THSD7A: variants seen among roughly 807,000 people sequenced by gnomAD.
The protein encoded by THSD7A is thrombospondin type-1 domain-containing protein 7A.
A neutral mutation model predicts 231.3 loss-of-function variants in THSD7A; 96 were observed. The observed-to-expected ratio is 0.41, with a 90% confidence interval of 0.35 to 0.49. The LOEUF (loss-of-function observed/expected upper bound fraction) is 0.49. Ranked by LOEUF, THSD7A falls within the 20% of genes least tolerant of loss-of-function variation. THSD7A has a pLI of 0.05. For synonymous variants in THSD7A, 940 were observed against 743.3 expected (o/e 1.26, Z -4.30); for missense variants, 2,290 against 2,070.2 (o/e 1.11, Z -2.06).
At chr7:11,642,008 G>A (rs1414914767) in intron 1 of THSD7A, among the ~76,000 whole-genome samples, 1 of 152,038 alleles carries the variant, frequency 6.6e-6, no homozygotes, top group Non-Finnish European at 1.5e-5. Flanking sequence ...CAATAGAAAA[G>A]GGACCACATC....
At chr7:11,485,752 G>A (rs1786630821) in intron 6 of THSD7A, among the ~76,000 whole-genome samples, 1 of 152,132 alleles carries the variant, frequency 6.6e-6, no homozygotes, top group South Asian at 2.1e-4. Flanking sequence ...CTCCAAAGAA[G>A]TCAAGAAACA....
chr7:11,539,915 A>G (rs183591064), intron 6 of THSD7A, among the ~76,000 whole-genome samples: 8 of 152,328 alleles, frequency 5.3e-5, no homozygotes, highest in Non-Finnish European at 1.2e-4. Context: ...AATTATTTGA[A>G]CTGAGAAAAA....
intron 1 of THSD7A, among the ~76,000 whole-genome samples, chr7:11,702,363 T>G (rs1218338052): frequency 6.6e-6 from 1 of 151,242 alleles, no homozygotes; most frequent in Non-Finnish European, 1.5e-5. Flanking sequence ...TGTTACAGCA[T>G]GACTGTGGTT....
chr7:11,590,733 C>A lies in THSD7A; in HGVS notation c.1272-92G>T. The A allele has an allele frequency of 7.2e-7, 1 of 1,381,800 alleles. No individual in the cohort carries two copies. The highest frequency in any genetic ancestry group is 9.7e-7 in the Non-Finnish European group (1 of 1,032,914). The allele number at this position is 1,381,800 out of a possible 1,614,324, so 85.6% of individuals were successfully genotyped here. A position where few individuals can be genotyped will look rare whatever the true frequency, so the allele number is the denominator to read the frequency against. On this transcript the variant is annotated intron_variant, in intron 3 of 27. Coordinates refer to ENST00000423059, the MANE Select transcript of THSD7A (RefSeq NM_015204.3). This position sits in a 1 kb window ranked among gnomAD's most constrained non-coding sequence, Gnocchi z 4.4. ...ATACTTTGTTTTAACGAAAATTAGT[C>A]TCAAAATCATTTTCCTAGAGAATCC...
chr7:11,685,520 A>T (rs1780015540), intron 1 of THSD7A, among the ~76,000 whole-genome samples: 1 of 151,948 alleles, frequency 6.6e-6, no homozygotes, highest in Non-Finnish European at 1.5e-5. Flanking sequence ...ACTTAAACAA[A>T]TCAAGAGGAA....
chr7:11,541,645 G>A lies in THSD7A; in HGVS notation c.1610-14C>T. ...TCAGTTTGAAGCCTGAATTATGGGGGAAGGAAAAATCTATTGTTACTATCA... is the reference window on the plus strand; with the variant it reads ...TCAGTTTGAAGCCTGAATTATGGGGAAAGGAAAAATCTATTGTTACTATCA... On this transcript the variant is annotated splice_polypyrimidine_tract_variant and intron_variant, in intron 5 of 27. Coordinates refer to ENST00000423059, the MANE Select transcript of THSD7A (RefSeq NM_015204.3). 3 of 1,608,866 alleles carry A rather than the reference G, an allele frequency of 1.9e-6. No individual in the cohort carries two copies. Among genetic ancestry groups the A allele is most frequent in the East Asian group, 2.2e-5 (1 of 44,832 alleles).
intron 1 of THSD7A, among the ~76,000 whole-genome samples, chr7:11,659,260 A>G (rs1238986805): frequency 1.3e-5 from 2 of 151,562 alleles, no homozygotes; most frequent in Non-Finnish European, 3.0e-5. Context: ...CAAATCACCT[A>G]TTCACTTTTG....
intron 6 of THSD7A, among the ~76,000 whole-genome samples, chr7:11,498,678 C>T (rs753909943): frequency 7.9e-5 from 12 of 152,260 alleles, no homozygotes; most frequent in Non-Finnish European, 1.3e-4. Context: ...CCTCACTGGA[C>T]AGGACCTCCC....
intron 6 of THSD7A, among the ~76,000 whole-genome samples, chr7:11,517,778 A>T (rs1583890983): frequency 6.6e-6 from 1 of 152,368 alleles, no homozygotes; most frequent in African/African-American, 2.4e-5. Context: ...ACTGACAGAC[A>T]TATTATCTCT....
intron 1 of THSD7A, among the ~76,000 whole-genome samples, chr7:11,740,274 A>G (rs1302098011): frequency 2.0e-5 from 3 of 151,992 alleles, no homozygotes; most frequent in Admixed American, 6.6e-5. Flanking sequence ...TGAGTGGTCA[A>G]TGATCCCAGA....
chr7:11,622,320 A>G (rs79268579), intron 2 of THSD7A, among the ~76,000 whole-genome samples: 14,767 of 152,016 alleles, frequency 0.097, 906 homozygotes, highest in African/African-American at 0.17. Flanking sequence ...TTTTGTTTTC[A>G]ATTATCTTTA....
intron 4 of THSD7A, among the ~76,000 whole-genome samples, chr7:11,574,658 G>A (rs940819698): frequency 2.7e-5 from 4 of 150,344 alleles, no homozygotes. Context: ...GGATGGTCTC[G>A]ATCTCCTGAC....
chr7:11,585,217 C>A (rs1383972567), intron 4 of THSD7A, among the ~76,000 whole-genome samples: 2 of 152,148 alleles, frequency 1.3e-5, no homozygotes, highest in African/African-American at 4.8e-5. Context: ...TAATTCCCAG[C>A]ATGAGTTTTT....
intron 10 of THSD7A, 136 bp downstream of exon 10, chr7:11,461,875 C>G (rs983055897): frequency 4.5e-6 from 5 of 1,122,536 alleles, no homozygotes; most frequent in Non-Finnish European, 1.3e-6. Context: ...AGAATGGCAG[C>G]TACAGCCATA....
At chr7:11,811,217 A>C (rs1411427182) in intron 1 of THSD7A, among the ~76,000 whole-genome samples, 1 of 152,130 alleles carries the variant, frequency 6.6e-6, no homozygotes, top group Non-Finnish European at 1.5e-5. Flanking sequence ...TAACCGACAG[A>C]ATTATCAAGC....
rs1315636612 is a variant in THSD7A at position 11,372,140 on chromosome 7, G to C, written c.*3654C>G. ...ACAATGACCACTGCCACCTACCTGA[G>C]GGTGGGGCAGGGAAAAATCAAACTC... On this transcript the variant is annotated 3_prime_UTR_variant, in exon 28 of 28. Transcript: ENST00000423059. 6.6e-6 allele frequency: 1 copy of C among 151,470 alleles called. No individual in the cohort carries two copies. The highest frequency in any genetic ancestry group is 2.4e-5 in the African/African-American group (1 of 40,858). 9.4% of individuals were successfully genotyped at this position (151,470 alleles called of 1,614,324 possible). A position where few individuals can be genotyped will look rare whatever the true frequency, so the allele number is the denominator to read the frequency against.
chr7:11,620,972 C>G (rs1781287973), intron 2 of THSD7A, among the ~76,000 whole-genome samples: 1 of 152,164 alleles, frequency 6.6e-6, no homozygotes, highest in Non-Finnish European at 1.5e-5. Context: ...TCCCTCGGCT[C>G]TAGACTACCA....
intron 1 of THSD7A, among the ~76,000 whole-genome samples, chr7:11,687,293 A>G (rs573848934): frequency 6.6e-6 from 1 of 151,922 alleles, no homozygotes; most frequent in African/African-American, 2.4e-5. Flanking sequence ...AGAAGAAGAA[A>G]TTTATATGTT....
intron 2 of THSD7A, among the ~76,000 whole-genome samples, chr7:11,602,111 A>T (rs1479579592): frequency 1.3e-5 from 2 of 152,198 alleles, no homozygotes; most frequent in Admixed American, 6.5e-5. Context: ...GCACTTTGCA[A>T]ATGTGCTGCT....
Sources: allele counts gnomAD v4.1 joint callset (sites outside exome capture counted in the v4.1 genomes callset), GRCh38; gene constraint gnomAD v4.1.1; non-coding constraint Gnocchi (gnomAD v3.1); transcripts MANE v1.5; gene names NCBI Gene and HGNC (gene_info 2026-07-23, HGNC 2026-07-21).